The following MGAM variants were observed in gnomAD, a reference collection of about 807,000 sequenced individuals.
MGAM encodes maltase-glucoamylase, also known as alpha-1,4-glucosidase.
A neutral mutation model predicts 358.8 loss-of-function variants in MGAM; 253 were observed. The observed-to-expected ratio is 0.71, with a 90% CI of 0.64 to 0.78. The LOEUF (loss-of-function observed/expected upper bound fraction) is 0.78, where lower values mean the gene tolerates loss of function less well. Ranked by LOEUF, MGAM falls within the 30% of genes least tolerant of loss-of-function variation. MGAM has a pLI of 0.00. For synonymous variants in MGAM, 1,105 were observed against 1,227.1 expected (o/e 0.90, Z 2.08); for missense variants, 3,080 against 3,432.6 (o/e 0.90, Z 2.57).
intron 68 of MGAM, among the ~76,000 whole-genome samples, chr7:142,102,229 A>G (rs1273847556): frequency 2.6e-5 from 4 of 152,220 alleles, no homozygotes; most frequent in Admixed American, 2.6e-4. Flanking sequence ...GTATATGCAT[A>G]TAAATGTGTG....
chr7:142,061,432 C>G (rs10258954), intron 34 of MGAM, among the ~76,000 whole-genome samples: 20,029 of 152,068 alleles, frequency 0.13, 1,773 homozygotes, highest in East Asian at 0.42. Context: ...GCCCACGTCT[C>G]TCAAGATTCT....
At chr7:142,026,235 G>A (rs1806956745) in intron 8 of MGAM, among the ~76,000 whole-genome samples, 1 of 151,934 alleles carries the variant, frequency 6.6e-6, no homozygotes, top group African/African-American at 2.4e-5. Flanking sequence ...TTTGAGGTGA[G>A]ATTCACTGAG....
At chr7:142,098,684 C>T (rs997922449) in intron 66 of MGAM, among the ~76,000 whole-genome samples, 8 of 152,216 alleles carry the variant, frequency 5.3e-5, no homozygotes, top group Non-Finnish European at 1.0e-4. Flanking sequence ...CCCAGCCAGG[C>T]GTTTCCCAGG....
chr7:142,095,967 C>A, intron 64 of MGAM: 1 of 637,798 alleles, frequency 1.6e-6, no homozygotes, highest in Non-Finnish European at 2.6e-6. Context: ...TTTGGCTGTG[C>A]AAAGGCCTAT....
chr7:142,013,762 G>T (rs1805774310), intron 3 of MGAM, among the ~76,000 whole-genome samples: 1 of 152,104 alleles, frequency 6.6e-6, no homozygotes, highest in Non-Finnish European at 1.5e-5. Context: ...ATTCCTTTAG[G>T]TTTTTTCTGG....
At chr7:141,999,375 C>T (rs1367711397) in intron 1 of MGAM, among the ~76,000 whole-genome samples, 1 of 152,152 alleles carries the variant, frequency 6.6e-6, no homozygotes, top group African/African-American at 2.4e-5. Flanking sequence ...AGCTGGTGTA[C>T]ACTGTGGGGC....
chr7:142,021,591 T>G lies in MGAM; in HGVS notation c.564T>G (p.Thr188=). 6.2e-7 allele frequency: 1 copy of G among 1,613,810 alleles called. No individual in the cohort carries two copies. The highest frequency in any genetic ancestry group is 8.5e-7 in the Non-Finnish European group (1 of 1,179,770). The change falls in exon 6 of 71, where the codon ACT becomes ACG. Residue 188 remains threonine (T), a synonymous_variant. Coordinates refer to ENST00000475668, the MANE Select transcript of MGAM (RefSeq NM_001365693.1). Reference sequence around the variant, plus strand: ...CTATTTCTATCTCTGCACAGTTGACTGACCAAACCAATAACAGGTTTGAAG... The same window carrying G: ...CTATTTCTATCTCTGCACAGTTGACGGACCAAACCAATAACAGGTTTGAAG... ...QTSNRFHFKL[T]DQTNNRFEVP... is the part of the protein sequence containing the mutation.
chr7:142,050,284 A>G lies in MGAM; in HGVS notation c.2637A>G (p.Gln879=). 6.2e-7 allele frequency: 1 copy of G among 1,613,074 alleles called. No individual in the cohort carries two copies. The highest frequency in any genetic ancestry group is 2.2e-5 in the East Asian group (1 of 44,870). The part of the protein sequence containing the change: ...VYLLCEFSVT[Q]NRLEVNISQS... ...TTTTATGTGAGTTTTCTGTCACTCA[A>G]GTGAGTAGCATATTTTTATGAATCT... The change falls in exon 23 of 71, where the codon CAA becomes CAG. Residue 879 remains glutamine (Q), a splice_region_variant and synonymous_variant. Transcript: ENST00000475668.
intron 60 of MGAM, 131 bp from the exon 61 acceptor site, chr7:142,094,233 G>A: frequency 3.5e-6 from 4 of 1,144,966 alleles, no homozygotes; most frequent in East Asian, 5.2e-5. Flanking sequence ...CCCCATTACA[G>A]CTCAGAGTCC....
At chr7:142,083,645 G>C (rs1435177935) in intron 53 of MGAM, among the ~76,000 whole-genome samples, 1 of 146,176 alleles carries the variant, frequency 6.8e-6, no homozygotes, top group African/African-American at 2.4e-5. Flanking sequence ...TGATGGTAGT[G>C]ATAGTAGTAT....
At position 142,071,058 on chromosome 7, in the gene MGAM, T is replaced by A. The variant is rs1483770575; in HGVS notation, c.5126T>A (p.Leu1709His). 1 of 1,556,308 alleles carries A rather than the reference T, an allele frequency of 6.4e-7. No homozygotes were observed. The highest frequency in any genetic ancestry group is 8.8e-7 in the Non-Finnish European group (1 of 1,132,630). Residue 1709 changes from leucine (L) to histidine (H), a missense_variant, in exon 44 of 71, where the codon CTT becomes CAT. By Grantham distance (99) the Leu-to-His change is moderately conservative. Transcript: ENST00000475668. ...TLPAPLDHIN[L>H]HVRGGYILPW... ...CCAGCCCCTCTTGACCACATTAATC[T>A]TCATGTCCGTGGGGGCTACATCCTG...
Position 142,040,712 on chromosome 7 carries a change from C to T in MGAM, c.2374-10C>T, listed in dbSNP as rs776040615. Reference sequence around the variant, plus strand: ...CATGCCAATGTGTTTGATTTATCTGCATGCATCAGGGGAGCCAAGTGAGAT... The same window carrying T: ...CATGCCAATGTGTTTGATTTATCTGTATGCATCAGGGGAGCCAAGTGAGAT... On this transcript the variant is annotated splice_polypyrimidine_tract_variant and intron_variant, in intron 20 of 70. Transcript: ENST00000475668. 4.1e-5 allele frequency: 66 copies of T among 1,612,264 alleles called. No individual in the cohort carries two copies. Among genetic ancestry groups the T allele is most frequent in the Non-Finnish European group, 5.3e-5 (63 of 1,179,148 alleles).
At chr7:142,020,481 C>T (rs1371748457) in intron 4 of MGAM, among the ~76,000 whole-genome samples, 2 of 151,772 alleles carry the variant, frequency 1.3e-5, no homozygotes, top group African/African-American at 4.8e-5. Context: ...TATCTAGCTC[C>T]AGAATCTGCC....
Position 142,082,132 on chromosome 7 carries a change from G to A in MGAM, c.6093G>A (p.Gly2031=). ...CCTCCAAGTACCTCTATGGCTTTGG[G>A]GAGACTGAGCACACGTCCTACAGGA... ...RLPSKYLYGF[G]ETEHTSYRRD... The change falls in exon 51 of 71, where the codon GGG becomes GGA. Residue 2031 remains glycine (G), a synonymous_variant. Coordinates refer to ENST00000475668, the MANE Select transcript of MGAM (RefSeq NM_001365693.1). 5.1e-6 allele frequency: 8 copies of A among 1,555,732 alleles called. 1 individual carries two copies. Among genetic ancestry groups the A allele is most frequent in the African/African-American group, 1.3e-5 (1 of 74,530 alleles).
chr7:142,090,384 T>G (rs112666255), intron 57 of MGAM, among the ~76,000 whole-genome samples: 13,056 of 145,142 alleles, frequency 0.09, 1,801 homozygotes, highest in East Asian at 0.28. Flanking sequence ...TTCTAACCCT[T>G]CCTGATCTGG....
chr7:142,089,664 G>C (rs558511287), intron 57 of MGAM, among the ~76,000 whole-genome samples: 2 of 145,152 alleles, frequency 1.4e-5, no homozygotes, highest in African/African-American at 4.9e-5. Flanking sequence ...GGTGGCACGC[G>C]CCTGTAATCC....
At position 142,105,034 on chromosome 7, in the gene MGAM, A is replaced by T. The variant is rs143866044; in HGVS notation, c.8185-780A>T. Among the ~76,000 whole-genome samples the T allele has an allele frequency of 5.1e-3, 778 of 152,222 alleles. 3 individuals are homozygous for T. Among genetic ancestry groups the T allele is most frequent in the Middle Eastern group, 0.024 (7 of 294 alleles). ...ACTATACCATAAAGGACTTTGCCCAATCCTGTTGCTGACCAGCTCAGGGAC... is the reference window on the plus strand; with the variant it reads ...ACTATACCATAAAGGACTTTGCCCATTCCTGTTGCTGACCAGCTCAGGGAC... On this transcript the variant is annotated intron_variant, in intron 70 of 70. Transcript: ENST00000475668.
chr7:142,015,812 A>G (rs1040562726), intron 3 of MGAM, among the ~76,000 whole-genome samples: 2 of 152,092 alleles, frequency 1.3e-5, no homozygotes, highest in African/African-American at 2.4e-5. Context: ...GTGGATATCC[A>G]TGATCAAACT....
chr7:142,092,070 G>T (rs1243265272), intron 58 of MGAM, 23 bp downstream of exon 58: 1 of 1,543,190 alleles, frequency 6.5e-7, no homozygotes, highest in African/African-American at 1.3e-5. Flanking sequence ...GTGTCTCTGT[G>T]TACCAGTGAC....
Sources: gnomAD v4.1 joint callset for allele counts (sites outside exome capture counted in the v4.1 genomes callset) on GRCh38, gnomAD v4.1.1 for gene constraint, MANE v1.5 for transcripts, NCBI Gene and HGNC (gene_info 2026-07-23, HGNC 2026-07-21) for gene names.